PTPN11: variants seen among roughly 807,000 people sequenced by gnomAD.
PTPN11 encodes protein tyrosine phosphatase non-receptor type 11.
PTPN11 carries 6 observed loss-of-function variants against 78.8 expected under a neutral mutation model. The observed-to-expected ratio is 0.08, with a 90% CI of 0.04 to 0.15. The LOEUF is 0.15. Among genes scored for constraint, PTPN11 ranks in the 10% least tolerant of loss-of-function variants. The pLI is 1.00. For missense variants in PTPN11, 386 were observed against 744.8 expected (o/e 0.52, Z 5.61); for synonymous variants, 221 against 263.5 (o/e 0.84, Z 1.56).
At chr12:112,489,837 T>C (rs1023196479) in intron 13 of PTPN11, among the ~76,000 whole-genome samples, 2 of 152,210 alleles carry the variant, frequency 1.3e-5, no homozygotes, top group East Asian at 3.9e-4. Flanking sequence ...CAGTGGCGAG[T>C]GCCTGCATTA....
chr12:112,470,441 C>G (rs909004534), intron 6 of PTPN11, among the ~76,000 whole-genome samples: 2 of 152,198 alleles, frequency 1.3e-5, no homozygotes, highest in Non-Finnish European at 2.9e-5. Context: ...GAAACTGAGG[C>G]ACAGACAGGC....
Position 112,506,248 on chromosome 12 carries a change from AAAAGTGAGAAC to A in PTPN11, c.*459_*469del, listed in dbSNP as rs1467928947. ...GGAAAATTAAGTAACAACGACCTAG[AAAAGTGAGAAC>A]AATCTCATTTACCATCATGTATCCA... On this transcript the variant is annotated 3_prime_UTR_variant, in exon 16 of 16. Transcript: ENST00000351677. 1 of 152,188 alleles carries A rather than the reference AAAAGTGAGAAC, an allele frequency of 6.6e-6. No individual in the cohort carries two copies. Among genetic ancestry groups the A allele is most frequent in the Non-Finnish European group, 1.5e-5 (1 of 68,032 alleles). The allele number at this position is 152,188 out of a possible 1,614,324, so 9.4% of individuals were successfully genotyped here.
At chr12:112,476,921 A>G (rs755700139) in intron 7 of PTPN11, among the ~76,000 whole-genome samples, 2 of 152,262 alleles carry the variant, frequency 1.3e-5, no homozygotes, top group Admixed American at 6.5e-5. Flanking sequence ...GGTTTCATCT[A>G]TACTCTGATC....
chr12:112,500,199 C>T (rs1428360921), intron 13 of PTPN11, among the ~76,000 whole-genome samples: 14 of 152,150 alleles, frequency 9.2e-5, no homozygotes, highest in Admixed American at 3.9e-4. Flanking sequence ...GCCGAGATCA[C>T]ACCACTGCAC....
At chr12:112,434,336 G>A (rs929656319) in intron 1 of PTPN11, among the ~76,000 whole-genome samples, 3 of 151,936 alleles carry the variant, frequency 2.0e-5, no homozygotes, top group African/African-American at 4.8e-5. Context: ...TTGGCTGGGC[G>A]CAGTGGCTCA....
rs2038944671 is a variant in PTPN11 at position 112,507,036 on chromosome 12, AC to A, written c.*1245del. ...GAAAGCTGGGGTATGCCCTCTACTT[AC>A]TAAACAAGTCACAAGCCCAGCTCAG... On this transcript the variant is annotated 3_prime_UTR_variant, in exon 16 of 16. Coordinates refer to ENST00000351677, the MANE Select transcript of PTPN11 (RefSeq NM_002834.5). The A allele has an allele frequency of 5.2e-6, 1 of 193,802 alleles. No individual in the cohort carries two copies. The highest frequency in any genetic ancestry group is 1.1e-5 in the Non-Finnish European group (1 of 94,442). The allele number at this position is 193,802 out of a possible 1,614,324, so 12.0% of individuals were successfully genotyped here.
At chr12:112,442,875 T>A (rs1330667367) in intron 1 of PTPN11, among the ~76,000 whole-genome samples, 3 of 74,884 alleles carry the variant, frequency 4.0e-5, no homozygotes, top group South Asian at 4.3e-4. Context: ...TATATATATA[T>A]ATAAATTATA....
intron 1 of PTPN11, among the ~76,000 whole-genome samples, chr12:112,445,480 A>G (rs1220675163): frequency 1.3e-5 from 2 of 152,040 alleles, no homozygotes; most frequent in Non-Finnish European, 2.9e-5. Flanking sequence ...CTTTACATGT[A>G]TATATTAAAA....
chr12:112,479,026 G>C (rs958254359), intron 9 of PTPN11, among the ~76,000 whole-genome samples: 1 of 152,180 alleles, frequency 6.6e-6, no homozygotes, highest in Non-Finnish European at 1.5e-5. Flanking sequence ...GAGCCACCAT[G>C]CCTGGCCATG....
chr12:112,450,222 C>CGA, intron 2 of PTPN11, 96 bp from the exon 3 acceptor site: 2 of 1,178,676 alleles, frequency 1.7e-6, no homozygotes, highest in Non-Finnish European at 1.3e-6. Flanking sequence ...TTTCTTTCAA[C>CGA]ACTTAGGTAA....
At chr12:112,468,779 G>A (rs902776901) in intron 6 of PTPN11, among the ~76,000 whole-genome samples, 2 of 152,290 alleles carry the variant, frequency 1.3e-5, no homozygotes, top group Non-Finnish European at 2.9e-5. Context: ...TAAGGAAAGC[G>A]CAGGACAGGT....
intron 9 of PTPN11, among the ~76,000 whole-genome samples, chr12:112,479,263 T>A (rs1306835699): frequency 6.6e-6 from 1 of 152,218 alleles, no homozygotes; most frequent in Non-Finnish European, 1.5e-5. Flanking sequence ...GGTTTTTTTT[T>A]TAAATATGGA....
chr12:112,500,953 A>G (rs1032450298), intron 13 of PTPN11, among the ~76,000 whole-genome samples: 1 of 126,110 alleles, frequency 7.9e-6, no homozygotes, highest in Non-Finnish European at 1.7e-5. Context: ...TGCCCAGGCC[A>G]GAGTGCAGTG....
intron 2 of PTPN11, among the ~76,000 whole-genome samples, chr12:112,447,502 CT>C (rs540441894): frequency 9.2e-4 from 139 of 151,662 alleles, no homozygotes; most frequent in African/African-American, 3.2e-3. Context: ...TGATAACGAT[CT>C]ATTTTTTTTT....
chr12:112,428,174 C>A (rs969870043), intron 1 of PTPN11, among the ~76,000 whole-genome samples: 2 of 152,152 alleles, frequency 1.3e-5, no homozygotes, highest in African/African-American at 2.4e-5. Context: ...CTTATCTGGA[C>A]CCTCTGTGTT....
chr12:112,436,316 AATGCTTTAT>A (rs748195961), intron 1 of PTPN11, among the ~76,000 whole-genome samples: 6 of 152,338 alleles, frequency 3.9e-5, no homozygotes, highest in Admixed American at 2.0e-4. Flanking sequence ...AATAGTTTTA[AATGCTTTAT>A]ATGCTTTATA....
At chr12:112,485,141 C>T (rs1030024856) in intron 10 of PTPN11, among the ~76,000 whole-genome samples, 8 of 151,866 alleles carry the variant, frequency 5.3e-5, no homozygotes, top group Non-Finnish European at 1.0e-4. Context: ...CCCAGCTACT[C>T]GGGAGTCGAG....
rs142012941 is a variant in PTPN11, at chr12:112,449,371, G to A, written c.138-947G>A. On this transcript the variant is annotated intron_variant, in intron 2 of 15. Coordinates refer to ENST00000351677, the MANE Select transcript of PTPN11 (RefSeq NM_002834.5). Reference sequence around the variant, plus strand: ...ATACAAAAAAATTTAGCTGGGCGTCGTGGCGGGCGCCTGTAGTCCCAGCTA... The same window carrying A: ...ATACAAAAAAATTTAGCTGGGCGTCATGGCGGGCGCCTGTAGTCCCAGCTA... Among the ~76,000 whole-genome samples, 430 of 151,760 alleles carry A rather than the reference G, an allele frequency of 2.8e-3. 2 individuals carry two copies. Among genetic ancestry groups the A allele is most frequent in the African/African-American group, 9.7e-3 (404 of 41,492 alleles).
chr12:112,443,302 T>A (rs886765447), intron 1 of PTPN11, among the ~76,000 whole-genome samples: 1 of 152,102 alleles, frequency 6.6e-6, no homozygotes, highest in Non-Finnish European at 1.5e-5. Flanking sequence ...GTCTTGTTAC[T>A]GGCCTTTAAT....
Sources: allele counts gnomAD v4.1 joint callset (sites outside exome capture counted in the v4.1 genomes callset), GRCh38; gene constraint gnomAD v4.1.1; transcripts MANE v1.5; gene names NCBI Gene and HGNC (gene_info 2026-07-23, HGNC 2026-07-21).